The following ADAMTS12 variants were observed in gnomAD, a reference collection of about 807,000 sequenced individuals.
ADAMTS12 encodes A disintegrin and metalloproteinase with thrombospondin motifs 12.
In ADAMTS12, 118 loss-of-function variants were observed where a neutral mutation model predicts 167.8. That is an observed-to-expected ratio of 0.70 (90% CI 0.61 to 0.82). The LOEUF (loss-of-function observed/expected upper bound fraction) is 0.82, where lower values mean the gene tolerates loss of function less well. ADAMTS12 is among the 40% of genes least tolerant of loss of function. ADAMTS12 has a pLI of 0.00. For synonymous variants in ADAMTS12, 704 were observed against 716.9 expected (o/e 0.98, Z 0.29); for missense variants, 1,916 against 1,998.8 (o/e 0.96, Z 0.79).
At chr5:33,535,893 A>C (rs1744377651) in intron 22 of ADAMTS12, among the ~76,000 whole-genome samples, 1 of 152,068 alleles carries the variant, frequency 6.6e-6, no homozygotes, top group African/African-American at 2.4e-5. Context: ...CTGGGGAAGA[A>C]GCAGAGCAAC....
At chr5:33,543,739 A>C (rs1183695023) in intron 22 of ADAMTS12, among the ~76,000 whole-genome samples, 1 of 152,218 alleles carries the variant, frequency 6.6e-6, no homozygotes, top group African/African-American at 2.4e-5. Context: ...TCTATCACAT[A>C]AACAGAACCA....
intron 22 of ADAMTS12, among the ~76,000 whole-genome samples, chr5:33,540,957 C>A (rs10039650): frequency 0.052 from 7,961 of 152,232 alleles, 714 homozygotes; most frequent in African/African-American, 0.18. Flanking sequence ...CTCACCAGCA[C>A]TGGAACAAAG....
chr5:33,862,978 G>T (rs146973985), intron 2 of ADAMTS12, among the ~76,000 whole-genome samples: 15 of 152,188 alleles, frequency 9.9e-5, no homozygotes, highest in African/African-American at 3.4e-4. Flanking sequence ...AAAGGCCTTC[G>T]ATAAAATTCA....
intron 3 of ADAMTS12, among the ~76,000 whole-genome samples, chr5:33,708,177 T>C (rs4358530): frequency 1 from 151,843 of 152,344 alleles, 75,677 homozygotes; most frequent in Middle Eastern, 1. Flanking sequence ...ATTTATGCAG[T>C]CAATAAACAT....
intron 3 of ADAMTS12, among the ~76,000 whole-genome samples, chr5:33,730,336 C>A (rs1007548116): frequency 1.1e-5 from 1 of 94,428 alleles, no homozygotes; most frequent in African/African-American, 3.3e-5. Flanking sequence ...GTGTGTGTTT[C>A]TGTGTGTATG....
At chr5:33,593,027 A>G (rs369628189) in intron 17 of ADAMTS12, among the ~76,000 whole-genome samples, 3 of 152,240 alleles carry the variant, frequency 2.0e-5, no homozygotes, top group African/African-American at 7.2e-5. Flanking sequence ...CTGTAATCCC[A>G]GCACTTGGGG....
chr5:33,839,830 C>T (rs891302181), intron 2 of ADAMTS12, among the ~76,000 whole-genome samples: 2 of 152,120 alleles, frequency 1.3e-5, no homozygotes, highest in Non-Finnish European at 2.9e-5. Context: ...CATTTTTGTT[C>T]ACTATAAACA....
chr5:33,875,045 T>C (rs757385625), intron 2 of ADAMTS12, among the ~76,000 whole-genome samples: 22 of 152,298 alleles, frequency 1.4e-4, no homozygotes, highest in Non-Finnish European at 2.9e-4. Flanking sequence ...TCCAGCCTAC[T>C]GACAGAGTGA....
intron 2 of ADAMTS12, among the ~76,000 whole-genome samples, chr5:33,845,306 G>A (rs2591733): frequency 0.033 from 5,059 of 152,214 alleles, 227 homozygotes; most frequent in East Asian, 0.2. Context: ...TAACTATAGG[G>A]CTGGGAAAGT....
chr5:33,780,739 A>G (rs901336399), intron 2 of ADAMTS12, among the ~76,000 whole-genome samples: 1 of 152,156 alleles, frequency 6.6e-6, no homozygotes, highest in Non-Finnish European at 1.5e-5. Context: ...AGAGCAGCCA[A>G]CCTCATCCCA....
At chr5:33,536,177 C>G (rs1744395176) in intron 22 of ADAMTS12, among the ~76,000 whole-genome samples, 1 of 152,128 alleles carries the variant, frequency 6.6e-6, no homozygotes, top group South Asian at 2.1e-4. Context: ...GGCTCTATCA[C>G]CCAGGCTGAA....
intron 2 of ADAMTS12, among the ~76,000 whole-genome samples, chr5:33,824,334 G>A (rs1427131901): frequency 6.6e-6 from 1 of 152,186 alleles, no homozygotes; most frequent in East Asian, 1.9e-4. Context: ...CGGGTTTGCA[G>A]CAGCCCCAGT....
At chr5:33,836,310 T>G (rs1748525857) in intron 2 of ADAMTS12, among the ~76,000 whole-genome samples, 1 of 152,140 alleles carries the variant, frequency 6.6e-6, no homozygotes, top group African/African-American at 2.4e-5. Flanking sequence ...GCCCCGGACC[T>G]GAAGGCTCAT....
intron 3 of ADAMTS12, among the ~76,000 whole-genome samples, chr5:33,687,746 G>C (rs1252502811): frequency 6.6e-6 from 1 of 152,216 alleles, no homozygotes; most frequent in Non-Finnish European, 1.5e-5. Context: ...GGCTGACTCT[G>C]CGGAGTTCTA....
intron 20 of ADAMTS12, among the ~76,000 whole-genome samples, chr5:33,556,773 G>C (rs1479600773): frequency 6.6e-6 from 1 of 152,208 alleles, no homozygotes; most frequent in Admixed American, 6.5e-5. Context: ...CATGCCCAGA[G>C]AGAAAGAAAG....
intron 2 of ADAMTS12, among the ~76,000 whole-genome samples, chr5:33,805,069 A>G (rs1311628265): frequency 2.0e-5 from 3 of 152,242 alleles, no homozygotes; most frequent in African/African-American, 7.2e-5. Context: ...AAAATATTCC[A>G]GTCTACTCAG....
intron 2 of ADAMTS12, among the ~76,000 whole-genome samples, chr5:33,851,506 G>T (rs1579992297): frequency 6.6e-6 from 1 of 152,248 alleles, no homozygotes; most frequent in South Asian, 2.1e-4. Flanking sequence ...GAATTAAAAG[G>T]ATTTACTAGT....
At chr5:33,687,956 T>A (rs1384890952) in intron 3 of ADAMTS12, among the ~76,000 whole-genome samples, 1 of 152,176 alleles carries the variant, frequency 6.6e-6, no homozygotes, top group Non-Finnish European at 1.5e-5. Flanking sequence ...ACCCCTCTTC[T>A]CAGCTGGCAT....
At chr5:33,627,384 G>A (rs1207616871) in intron 13 of ADAMTS12, among the ~76,000 whole-genome samples, 2 of 145,882 alleles carry the variant, frequency 1.4e-5, no homozygotes, top group Non-Finnish European at 3.0e-5. Context: ...TGGTGGTGGT[G>A]GGAGTAGTGG....
Sources: allele counts gnomAD v4.1 joint callset (sites outside exome capture counted in the v4.1 genomes callset), GRCh38; gene constraint gnomAD v4.1.1; transcripts MANE v1.5; gene names NCBI Gene and HGNC (gene_info 2026-07-23, HGNC 2026-07-21).